NCAM2: variants seen among roughly 807,000 people sequenced by gnomAD.
NCAM2 encodes the protein N-CAM-2.
In NCAM2, 30 loss-of-function variants were observed where a neutral mutation model predicts 98.1. That is an observed-to-expected ratio of 0.31 (90% CI 0.23 to 0.41). The LOEUF (loss-of-function observed/expected upper bound fraction) is 0.41, where lower values mean the gene tolerates loss of function less well. NCAM2 is among the 10% of genes least tolerant of loss of function. NCAM2 has a pLI of 1.00. For synonymous variants in NCAM2, 368 were observed against 342.4 expected, an observed-to-expected ratio of 1.07 and a Z score of -0.83; for missense variants, 867 against 1,005.8, an observed-to-expected ratio of 0.86 and a Z score of 1.87.
rs147957457 is a variant in NCAM2 at position 21,132,063 on chromosome 21, A to C, written c.55+133445A>C. ...GTTACTTCTCAAAGCTGAGGTGAAG[A>C]ATCCTTTTCCTAATCTTTTCCAGGT... On this transcript the variant is annotated intron_variant, in intron 1 of 17. Coordinates refer to ENST00000400546, the MANE Select transcript of NCAM2 (RefSeq NM_004540.5). Among the ~76,000 whole-genome samples, 853 of 152,276 alleles carry C rather than the reference A, an allele frequency of 5.6e-3. 10 individuals carry two copies. The highest frequency in any genetic ancestry group is 0.019 in the African/African-American group (807 of 41,558).
intron 1 of NCAM2, among the ~76,000 whole-genome samples, chr21:21,006,886 G>C (rs555967087): frequency 2.4e-4 from 36 of 152,168 alleles, no homozygotes; most frequent in Admixed American, 5.2e-4. Context: ...TTCAGGTCTT[G>C]CATCCTGATA....
intron 1 of NCAM2, among the ~76,000 whole-genome samples, chr21:21,110,071 G>A (rs2066424478): frequency 6.6e-6 from 1 of 152,146 alleles, no homozygotes; most frequent in African/African-American, 2.4e-5. Context: ...GGGCCAGTTG[G>A]GATTACAAAG....
At chr21:21,067,196 A>ATTGT (rs55822364) in intron 1 of NCAM2, among the ~76,000 whole-genome samples, 35,294 of 151,526 alleles carry the variant, frequency 0.23, 4,902 homozygotes, top group African/African-American at 0.38. Context: ...GCAAAACTTA[A>ATTGT]TTGATTGTAA....
chr21:21,361,412 C>T (rs2075642097), intron 8 of NCAM2, among the ~76,000 whole-genome samples: 1 of 151,960 alleles, frequency 6.6e-6, no homozygotes, highest in Non-Finnish European at 1.5e-5. Flanking sequence ...GTTAAACAAC[C>T]TCTTCTGTTT....
chr21:21,287,348 A>T (rs1255163961), intron 4 of NCAM2, among the ~76,000 whole-genome samples: 1 of 151,938 alleles, frequency 6.6e-6, no homozygotes, highest in Non-Finnish European at 1.5e-5. Flanking sequence ...TTCAATAGTC[A>T]CTTTTTTAAT....
intron 12 of NCAM2, among the ~76,000 whole-genome samples, chr21:21,445,264 A>G (rs1265797062): frequency 2.0e-5 from 3 of 152,098 alleles, no homozygotes; most frequent in Non-Finnish European, 4.4e-5. Context: ...TACGTGGTCG[A>G]TTTTAGAATA....
At chr21:21,074,999 A>G (rs984688613) in intron 1 of NCAM2, among the ~76,000 whole-genome samples, 10 of 152,238 alleles carry the variant, frequency 6.6e-5, no homozygotes, top group Non-Finnish European at 1.5e-4. Flanking sequence ...ATGAAATACT[A>G]TGCAGCCATA....
intron 1 of NCAM2, among the ~76,000 whole-genome samples, chr21:21,025,595 C>T (rs188516178): frequency 1.3e-5 from 2 of 149,542 alleles, no homozygotes; most frequent in East Asian, 4.0e-4. Context: ...AGTCAAACCA[C>T]TATATTTTTT....
chr21:21,414,594 C>T (rs1002448911), intron 10 of NCAM2, among the ~76,000 whole-genome samples: 3 of 151,868 alleles, frequency 2.0e-5, no homozygotes, highest in Non-Finnish European at 4.4e-5. Flanking sequence ...CTCACCCTCC[C>T]GAGTAGCTGG....
At chr21:21,052,149 C>CTTTTTTTTTTT (rs2065121901) in intron 1 of NCAM2, among the ~76,000 whole-genome samples, 2 of 109,930 alleles carry the variant, frequency 1.8e-5, no homozygotes, top group African/African-American at 7.5e-5. Flanking sequence ...TCATGATGGC[C>CTTTTTTTTTTT]ATTTTTTTTT....
At chr21:21,123,548 C>T (rs1325170177) in intron 1 of NCAM2, among the ~76,000 whole-genome samples, 1 of 152,174 alleles carries the variant, frequency 6.6e-6, no homozygotes, top group African/African-American at 2.4e-5. Flanking sequence ...TTGTAACACA[C>T]TGGTTCCCGA....
chr21:21,437,540 C>T (rs7278001), intron 12 of NCAM2, among the ~76,000 whole-genome samples: 29,600 of 149,822 alleles, frequency 0.2, 3,139 homozygotes, highest in South Asian at 0.27. Flanking sequence ...AGGATATTAA[C>T]GGTCCCGGTT....
intron 1 of NCAM2, chr21:21,147,215 G>A: frequency 2.0e-6 from 2 of 975,682 alleles, no homozygotes; most frequent in African/African-American, 1.9e-5. Context: ...CTCTGCCTCC[G>A]CAGTTCTTAG....
chr21:21,265,807 A>G (rs142989041), intron 1 of NCAM2, among the ~76,000 whole-genome samples: 1 of 152,194 alleles, frequency 6.6e-6, no homozygotes, highest in African/African-American at 2.4e-5. Context: ...AGTACTACTC[A>G]CTGTGTTCAC....
At chr21:21,200,836 CTG>C (rs1568759537) in intron 1 of NCAM2, among the ~76,000 whole-genome samples, 2 of 137,762 alleles carry the variant, frequency 1.5e-5, no homozygotes, top group Admixed American at 1.6e-4. Flanking sequence ...GTCTTATAAA[CTG>C]TGTGTGTGTT....
intron 12 of NCAM2, among the ~76,000 whole-genome samples, chr21:21,464,361 A>C (rs2146204454): frequency 6.6e-6 from 1 of 152,242 alleles, no homozygotes; most frequent in African/African-American, 2.4e-5. Flanking sequence ...CTTTACCCTA[A>C]TGAAGCATGA....
At chr21:21,109,321 A>G (rs1450049125) in intron 1 of NCAM2, among the ~76,000 whole-genome samples, 1 of 152,180 alleles carries the variant, frequency 6.6e-6, no homozygotes, top group Admixed American at 6.5e-5. Flanking sequence ...TTATATGCAC[A>G]TCTTATATAT....
chr21:21,439,501 C>A (rs2146072909), intron 12 of NCAM2, among the ~76,000 whole-genome samples: 1 of 152,224 alleles, frequency 6.6e-6, no homozygotes, highest in African/African-American at 2.4e-5. Flanking sequence ...GGTAGAGAAA[C>A]TTATTTCAGT....
chr21:21,510,246 T>C (rs1988277511), intron 16 of NCAM2, among the ~76,000 whole-genome samples: 1 of 152,142 alleles, frequency 6.6e-6, no homozygotes, highest in African/African-American at 2.4e-5. Context: ...TGAAGAGTTT[T>C]GACAAATGTT....
Sources: gnomAD v4.1 joint callset for allele counts (sites outside exome capture counted in the v4.1 genomes callset) on GRCh38, gnomAD v4.1.1 for gene constraint, MANE v1.5 for transcripts, NCBI Gene and HGNC (gene_info 2026-07-23, HGNC 2026-07-21) for gene names.